The following ADGRD1 variants were observed in gnomAD, a reference collection of about 807,000 sequenced individuals.
ADGRD1 encodes the protein adhesion G protein-coupled receptor D1.
A neutral mutation model predicts 113.4 loss-of-function variants in ADGRD1; 77 were observed. The observed-to-expected ratio is 0.68, with a 90% CI of 0.57 to 0.82. The LOEUF is 0.82. ADGRD1 is among the 40% of genes least tolerant of loss of function. The pLI, the probability that ADGRD1 is intolerant of heterozygous loss-of-function variation, is 0.00. For synonymous variants in ADGRD1, 474 were observed against 475.0 expected (o/e 1.00, Z 0.03); for missense variants, 1,036 against 1,139.1 (o/e 0.91, Z 1.30).
chr12:131,099,952 A>G (rs1212478272), intron 15 of ADGRD1, among the ~76,000 whole-genome samples: 1 of 152,120 alleles, frequency 6.6e-6, no homozygotes, highest in Non-Finnish European at 1.5e-5. Flanking sequence ...GGGTTGGTTC[A>G]TGGTGGGGTT....
intron 19 of ADGRD1, among the ~76,000 whole-genome samples, chr12:131,120,030 A>G (rs756020446): frequency 6.6e-6 from 1 of 152,196 alleles, no homozygotes; most frequent in Non-Finnish European, 1.5e-5. Flanking sequence ...GGGGCAGCAT[A>G]GGATTAAATG....
intron 13 of ADGRD1, among the ~76,000 whole-genome samples, chr12:131,065,584 C>G (rs554350988): frequency 1.7e-4 from 26 of 152,252 alleles, no homozygotes; most frequent in African/African-American, 6.3e-4. Flanking sequence ...TTCCCTTGTA[C>G]GGATCTCAGG....
rs776043020 is a variant in ADGRD1, at chr12:131,139,230, C to T, written c.2592C>T (p.His864=). The T allele has an allele frequency of 1.2e-6, 2 of 1,613,238 alleles. No individual in the cohort carries two copies. The highest frequency in any genetic ancestry group is 1.7e-5 in the Admixed American group (1 of 60,010). The change falls in exon 25 of 25, where the codon CAC becomes CAT. Residue 864 remains histidine (H), a synonymous_variant. Coordinates refer to ENST00000261654, the MANE Select transcript of ADGRD1 (RefSeq NM_198827.5). ...TKLSPWDKSS[H]SAHRVDLSAV Reference sequence around the variant, plus strand: ...TCAGCCCTTGGGACAAGAGCAGCCACTCTGCCCACCGCGTCGACCTGTCAG... The same window carrying T: ...TCAGCCCTTGGGACAAGAGCAGCCATTCTGCCCACCGCGTCGACCTGTCAG...
rs549511962 is a variant in ADGRD1 at position 130,959,041 on chromosome 12, T to C, written c.103+4381T>C. Among the ~76,000 whole-genome samples, 31 of 152,282 alleles carry C rather than the reference T, an allele frequency of 2.0e-4. 1 individual carries two copies. In the South Asian group the frequency reaches 3.7e-3, roughly 18 times the overall value. On this transcript the variant is annotated intron_variant, in intron 2 of 24. Coordinates refer to ENST00000261654, the MANE Select transcript of ADGRD1 (RefSeq NM_198827.5). ...GGAGACAGACACAGACAGAGATTCT[T>C]GGAAAACAGCAGCCGAGTGGTCAGT...
At chr12:131,101,049 G>C (rs1370065905) in intron 15 of ADGRD1, among the ~76,000 whole-genome samples, 2 of 152,176 alleles carry the variant, frequency 1.3e-5, no homozygotes, top group Non-Finnish European at 2.9e-5. Flanking sequence ...AGATGAGGTA[G>C]GAAAAGCTTC....
intron 13 of ADGRD1, among the ~76,000 whole-genome samples, chr12:131,048,358 A>T (rs1359136919): frequency 6.6e-6 from 1 of 152,118 alleles, no homozygotes; most frequent in African/African-American, 2.4e-5. Context: ...CCAGGAGTGC[A>T]CCTATGTCTG....
intron 9 of ADGRD1, among the ~76,000 whole-genome samples, chr12:131,002,122 G>C (rs35628522): frequency 0.07 from 10,649 of 152,252 alleles, 493 homozygotes; most frequent in Middle Eastern, 0.11. Context: ...AAAGCTGCAG[G>C]CTGGGAACAC....
chr12:131,045,020 G>A (rs551866441), intron 13 of ADGRD1, among the ~76,000 whole-genome samples: 2 of 152,382 alleles, frequency 1.3e-5, no homozygotes, highest in East Asian at 1.9e-4. Context: ...GCCGTGGTGC[G>A]CGTGCCGGTG....
chr12:130,961,812 T>C (rs1256479482), intron 2 of ADGRD1, among the ~76,000 whole-genome samples: 1 of 152,188 alleles, frequency 6.6e-6, no homozygotes, highest in African/African-American at 2.4e-5. Context: ...CATTAAAATT[T>C]TGATAGATTT....
intron 13 of ADGRD1, among the ~76,000 whole-genome samples, chr12:131,074,032 T>C (rs1885386491): frequency 6.6e-6 from 1 of 152,194 alleles, no homozygotes; most frequent in Non-Finnish European, 1.5e-5. Context: ...AGCCAGCACA[T>C]TTCTAAACAA....
In ADGRD1 at chr12:131,139,919, A is replaced by AG. The variant is rs1292408508; in HGVS notation, c.*658dup. 1.3e-5 allele frequency: 2 copies of AG among 152,512 alleles called. No homozygotes were observed. Among genetic ancestry groups the AG allele is most frequent in the African/African-American group, 2.4e-5 (1 of 41,464 alleles). The allele number at this position is 152,512 out of a possible 1,614,324, so 9.4% of individuals were successfully genotyped here. ...CGTGGGCGGGAGTCGTTGACTCTCC[A>AG]GGTGAGGGCGACCCCTCTGCCCTGT... On this transcript the variant is annotated 3_prime_UTR_variant, in exon 25 of 25. Transcript: ENST00000261654.
intron 20 of ADGRD1, chr12:131,122,042 G>GCTTT (rs1395467084): frequency 6.6e-6 from 1 of 152,444 alleles, no homozygotes; most frequent in South Asian, 2.1e-4. Flanking sequence ...CAGAGTCTGT[G>GCTTT]CTTTCCCTTC....
Position 131,027,588 on chromosome 12 carries a change from A to AT in ADGRD1, c.1473+13255dup, listed in dbSNP as rs1448851611. On this transcript the variant is annotated intron_variant, in intron 13 of 24. Coordinates refer to ENST00000261654, the MANE Select transcript of ADGRD1 (RefSeq NM_198827.5). This position sits in a 1 kb window ranked among gnomAD's most constrained non-coding sequence, Gnocchi z 5.1. The stretch of plus-strand genomic sequence containing the variant: ...GAATTGCTCTGTTAAATGTCTACAC[A>AT]TTTTTTTCTCATTTTAAAATTTATT... 5 of 152,002 alleles carry AT rather than the reference A, an allele frequency of 3.3e-5. No homozygotes were observed. The highest frequency in any genetic ancestry group is 7.4e-5 in the Non-Finnish European group (5 of 68,014). The allele number at this position is 152,002 out of a possible 1,614,324, so 9.4% of individuals were successfully genotyped here.
chr12:131,053,838 G>A (rs1883620352), intron 13 of ADGRD1, among the ~76,000 whole-genome samples: 1 of 152,186 alleles, frequency 6.6e-6, no homozygotes, highest in Non-Finnish European at 1.5e-5. Context: ...TTTCTGTCCA[G>A]AGCAGCACCG....
At chr12:130,973,217 G>C (rs922738341) in intron 4 of ADGRD1, 1 of 152,176 alleles carries the variant, frequency 6.6e-6, no homozygotes. Context: ...AGGTCGAACA[G>C]AGCCTGTCCG....
chr12:130,997,425 G>A (rs1179499692), intron 8 of ADGRD1, among the ~76,000 whole-genome samples: 4 of 147,130 alleles, frequency 2.7e-5, no homozygotes, highest in African/African-American at 1.0e-4. Context: ...CTGCCGGGCG[G>A]AGGGGCTCCT....
intron 13 of ADGRD1, among the ~76,000 whole-genome samples, chr12:131,048,076 G>T (rs1182304360): frequency 6.6e-6 from 1 of 152,224 alleles, no homozygotes; most frequent in Admixed American, 6.5e-5. Flanking sequence ...TCACCAGCTG[G>T]ACTTGCTGGT....
Position 130,992,767 on chromosome 12 carries a change from C to T in ADGRD1, c.966+375C>T, listed in dbSNP as rs139653514. Among the ~76,000 whole-genome samples, 224 of 152,376 alleles carry T rather than the reference C, an allele frequency of 1.5e-3. 1 individual carries two copies. The highest frequency in any genetic ancestry group is 5.1e-3 in the African/African-American group (213 of 41,602). On this transcript the variant is annotated intron_variant, in intron 8 of 24. Coordinates refer to ENST00000261654, the MANE Select transcript of ADGRD1 (RefSeq NM_198827.5). Reference sequence around the variant, plus strand: ...CTCACTGGCAGATCCAGCCGTGGGGCGTGGGCCACAGCCTGTGCACAGTGG... The same window carrying T: ...CTCACTGGCAGATCCAGCCGTGGGGTGTGGGCCACAGCCTGTGCACAGTGG...
At chr12:131,110,014 G>A (rs1481815805) in intron 18 of ADGRD1, among the ~76,000 whole-genome samples, 1 of 152,100 alleles carries the variant, frequency 6.6e-6, no homozygotes, top group East Asian at 1.9e-4. Flanking sequence ...TAGTAGACTC[G>A]CTCCAGCTTT....
Sources: allele counts gnomAD v4.1 joint callset (sites outside exome capture counted in the v4.1 genomes callset), GRCh38; gene constraint gnomAD v4.1.1; non-coding constraint Gnocchi (gnomAD v3.1); transcripts MANE v1.5; gene names NCBI Gene and HGNC (gene_info 2026-07-23, HGNC 2026-07-21).